The following KIAA1586 variants were observed in gnomAD, a reference collection of about 807,000 sequenced individuals.
KIAA1586 encodes KIAA1586, also known as E3 SUMO-protein ligase KIAA1586.
KIAA1586 carries 5 observed loss-of-function variants against 6.1 expected under a neutral mutation model. The ratio of observed to expected loss-of-function variants is 0.82; its 90% CI spans 0.43 to 1.73. The LOEUF (loss-of-function observed/expected upper bound fraction) is 1.73. Among genes scored for constraint, KIAA1586 ranks in the 40% most tolerant of loss-of-function variants. The probability of loss-of-function intolerance (pLI) is 0.02; values close to 1 mark genes in which losing one functional copy is unlikely to be tolerated. For synonymous variants in KIAA1586, 280 were observed against 301.7 expected (o/e 0.93, Z 0.75); for missense variants, 899 against 878.2 (o/e 1.02, Z -0.30).
At chr6:57,055,380 T>C (rs1380843969), downstream of KIAA1586, 2 of 151,836 alleles carry the variant, frequency 1.3e-5, no homozygotes, top group East Asian at 3.8e-4. Flanking sequence ...GAAATATTTT[T>C]CTGCTTAGCT....
chr6:57,054,817 C>A lies in KIAA1586; in HGVS notation c.2318C>A (p.Thr773Lys). Residue 773 changes from threonine (T) to lysine (K), a missense_variant, in exon 4 of 4, where the codon ACA (threonine) becomes AAA (lysine). Thr to Lys is a moderately conservative substitution (Grantham distance 78). Coordinates refer to ENST00000370733, the MANE Select transcript of KIAA1586 (RefSeq NM_020931.4). ...ATDTRVRQKS[T>K]KVFHENQLAI... ...GATACAAGAGTTCGGCAAAAGTCAACAAAAGTCTTCCATGAGAATCAATTG... is the reference window on the plus strand; with the variant it reads ...GATACAAGAGTTCGGCAAAAGTCAAAAAAAGTCTTCCATGAGAATCAATTG... The A allele has an allele frequency of 6.4e-7, 1 of 1,550,748 alleles. No individual in the cohort carries two copies.
chr6:57,050,987 T>G (rs945033275), intron 3 of KIAA1586, 133 bp downstream of exon 3: 6 of 605,968 alleles, frequency 9.9e-6, no homozygotes, highest in African/African-American at 9.6e-5. Flanking sequence ...CCCAGCACTT[T>G]GGGAGGCCGA....
Position 57,053,225 on chromosome 6 carries a change from T to C in KIAA1586, c.726T>C (p.Asn242=). 6.3e-7 allele frequency: 1 copy of C among 1,598,204 alleles called. No individual in the cohort carries two copies. The highest frequency in any genetic ancestry group is 2.2e-5 in the East Asian group (1 of 44,766). The change falls in exon 4 of 4, where the codon AAT becomes AAC. Residue 242 remains asparagine (N), a synonymous_variant. Transcript: ENST00000370733. ...CNLVHKQNNK[N]IDATVKVFNT... ...TAGTGCATAAACAAAATAATAAAAA[T>C]ATTGATGCTACTGTAAAAGTTTTCA... is the stretch of plus-strand genomic sequence containing the variant.
At chr6:57,057,143 G>A (rs997449024), downstream of KIAA1586, among the ~76,000 whole-genome samples, 4 of 151,616 alleles carry the variant, frequency 2.6e-5, no homozygotes, top group Non-Finnish European at 5.9e-5. Flanking sequence ...CAGGAGAATC[G>A]CTTGAACACA....
At chr6:57,051,845 G>A (rs771046355) in intron 3 of KIAA1586, among the ~76,000 whole-genome samples, 1 of 152,084 alleles carries the variant, frequency 6.6e-6, no homozygotes. Context: ...GTCGTGGCAC[G>A]TGCCTGTAAT....
the KIAA1586 span, among the ~76,000 whole-genome samples, chr6:57,065,480 GT>G: frequency 1.3e-5 from 2 of 149,786 alleles, no homozygotes; most frequent in African/African-American, 4.9e-5. Context: ...TGGCTGTTGT[GT>G]TGCCTTTTTT....
downstream of KIAA1586, among the ~76,000 whole-genome samples, chr6:57,057,953 A>G (rs1468278683): frequency 2.6e-5 from 4 of 151,874 alleles, no homozygotes; most frequent in African/African-American, 9.7e-5. Context: ...TGCCACCACA[A>G]TCGGCTAGTT....
Position 57,053,911 on chromosome 6 carries a change from C to T in KIAA1586, c.1412C>T (p.Thr471Ile), listed in dbSNP as rs1828420150. The T allele has an allele frequency of 3.2e-6, 5 of 1,582,714 alleles. No homozygotes were observed. The highest frequency in any genetic ancestry group is 4.3e-6 in the Non-Finnish European group (5 of 1,168,368). Residue 471 changes from threonine to isoleucine, a missense_variant, in exon 4 of 4, where the codon ACT becomes ATT. Physicochemically the swap from Thr to Ile is moderately conservative, Grantham distance 89 (BLOSUM62 -1). Coordinates refer to ENST00000370733, the MANE Select transcript of KIAA1586 (RefSeq NM_020931.4). ...LLGTVAKELE[T>I]EIIKIGRVMG... ...GGAACTGTAGCTAAAGAACTTGAAA[C>T]TGAAATTATTAAAATTGGTCGAGTA...
the KIAA1586 span, among the ~76,000 whole-genome samples, chr6:57,062,205 A>AT: frequency 6.6e-6 from 1 of 152,208 alleles, no homozygotes; most frequent in Non-Finnish European, 1.5e-5. Flanking sequence ...TTCCAGGATA[A>AT]CAGGCATGAG....
At position 57,054,707 on chromosome 6, in the gene KIAA1586, A is replaced by C. The variant is rs781015761; in HGVS notation, c.2208A>C (p.Ile736=). The C allele has an allele frequency of 1.4e-5, 22 of 1,551,812 alleles. No individual in the cohort carries two copies. The South Asian group carries it at 2.6e-4, about 18-fold the overall frequency. The change falls in exon 4 of 4, where the codon ATA becomes ATC. Residue 736 remains isoleucine, a synonymous_variant. Transcript: ENST00000370733. ...ATCATGTATCAGATTTAATGACAAT[A>C]AATTTACTGGGGAAAGAATTAGCAG... is the stretch of plus-strand genomic sequence containing the variant. The part of the protein sequence containing the change: ...TIDHVSDLMT[I]NLLGKELADW...
At chr6:57,056,433 T>A (rs1432859920), downstream of KIAA1586, among the ~76,000 whole-genome samples, 3 of 151,814 alleles carry the variant, frequency 2.0e-5, no homozygotes, top group African/African-American at 7.3e-5. Context: ...GGTCTCAAAC[T>A]CCTGACCTCA....
the KIAA1586 span, among the ~76,000 whole-genome samples, chr6:57,062,136 G>T: frequency 1.3e-5 from 2 of 152,056 alleles, no homozygotes; most frequent in African/African-American, 4.8e-5. Flanking sequence ...TCACCATGTT[G>T]CCCAGGCTGG....
the KIAA1586 span, among the ~76,000 whole-genome samples, chr6:57,064,433 C>T: frequency 6.6e-6 from 1 of 152,302 alleles, no homozygotes; most frequent in Non-Finnish European, 1.5e-5. Context: ...TAGAGGTGAA[C>T]ATTTCATTAA....
chr6:57,050,988 G>C, intron 3 of KIAA1586, 134 bp downstream of exon 3: 5 of 596,518 alleles, frequency 8.4e-6, no homozygotes, highest in Non-Finnish European at 1.5e-5. Flanking sequence ...CCAGCACTTT[G>C]GGAGGCCGAG....
chr6:57,054,940 T>C lies in KIAA1586; in HGVS notation c.*77T>C, dbSNP rs966223406. 23 of 1,366,870 alleles carry C rather than the reference T, an allele frequency of 1.7e-5. No individual in the cohort carries two copies. The South Asian group carries it at 2.8e-4, about 17-fold the overall frequency. The allele number at this position is 1,366,870 out of a possible 1,614,324, so 84.7% of individuals were successfully genotyped here. On this transcript the variant is annotated 3_prime_UTR_variant, in exon 4 of 4. Coordinates refer to ENST00000370733, the MANE Select transcript of KIAA1586 (RefSeq NM_020931.4). Reference sequence around the variant, plus strand: ...ATATACATAAAGGTCTTTTTTTTTTTTGGAAAGCCAGTTAAACTTTTATCA... The same window carrying C: ...ATATACATAAAGGTCTTTTTTTTTTCTGGAAAGCCAGTTAAACTTTTATCA...
At chr6:57,059,266 TAAATA>T (rs1387245818), downstream of KIAA1586, among the ~76,000 whole-genome samples, 1 of 148,996 alleles carries the variant, frequency 6.7e-6, no homozygotes, top group African/African-American at 2.5e-5. Context: ...TATATTGGGT[TAAATA>T]AAATAATCAT....
intron 2 of KIAA1586, among the ~76,000 whole-genome samples, chr6:57,047,940 A>C (rs2127905286): frequency 7.1e-6 from 1 of 140,880 alleles, no homozygotes; most frequent in South Asian, 2.4e-4. Flanking sequence ...TTGAGACAGT[A>C]GTTTTCAAGC....
At chr6:57,057,899 A>G (rs906316514), downstream of KIAA1586, among the ~76,000 whole-genome samples, 11 of 152,032 alleles carry the variant, frequency 7.2e-5, no homozygotes, top group South Asian at 2.1e-4. Flanking sequence ...GGCTCAAGCA[A>G]TCCTCCCACC....
intron 2 of KIAA1586, among the ~76,000 whole-genome samples, chr6:57,049,204 T>C (rs1828258086): frequency 6.6e-6 from 1 of 152,144 alleles, no homozygotes; most frequent in Non-Finnish European, 1.5e-5. Flanking sequence ...TGGTGCCACA[T>C]AAAAGACAAT....
Sources: gnomAD v4.1 joint callset for allele counts (sites outside exome capture counted in the v4.1 genomes callset) on GRCh38, gnomAD v4.1.1 for gene constraint, MANE v1.5 for transcripts, NCBI Gene and HGNC (gene_info 2026-07-23, HGNC 2026-07-21) for gene names.